The following GIGYF2 variants were observed in gnomAD, a reference collection of about 807,000 sequenced individuals.
The protein encoded by GIGYF2 is GRB10-interacting GYF protein 2.
Under a neutral mutation model 208.1 loss-of-function variants are expected in GIGYF2, and 25 were observed. The ratio of observed to expected loss-of-function variants is 0.12; its 90% CI spans 0.09 to 0.17. The LOEUF is 0.17. GIGYF2 is among the 10% of genes least tolerant of loss of function. The pLI is 1.00. For missense variants in GIGYF2, 1,302 were observed against 1,579.4 expected, an observed-to-expected ratio of 0.82 and a Z score of 2.98; for synonymous variants, 534 against 543.8, an observed-to-expected ratio of 0.98 and a Z score of 0.25.
chr2:232,787,379 T>G, intron 9 of GIGYF2, 50 bp downstream of exon 9: 1 of 1,495,950 alleles, frequency 6.7e-7, no homozygotes, highest in Non-Finnish European at 9.3e-7. Flanking sequence ...TAAGGGAAAG[T>G]TTGATGGAAA....
At chr2:232,804,478 T>G (rs559285676) in intron 14 of GIGYF2, among the ~76,000 whole-genome samples, 25 of 152,018 alleles carry the variant, frequency 1.6e-4, no homozygotes, top group Admixed American at 1.6e-3. Context: ...TCCTTGAGAT[T>G]TTACATAGAC....
At chr2:232,842,133 C>A (rs1025362415) in intron 23 of GIGYF2, among the ~76,000 whole-genome samples, 1 of 152,078 alleles carries the variant, frequency 6.6e-6, no homozygotes, top group Non-Finnish European at 1.5e-5. Flanking sequence ...GGCCACCACG[C>A]CCTACCCTTT....
intron 2 of GIGYF2, among the ~76,000 whole-genome samples, chr2:232,723,479 G>A (rs1353220583): frequency 7.0e-6 from 1 of 142,676 alleles, no homozygotes; most frequent in Non-Finnish European, 1.5e-5. Flanking sequence ...CACCCAGGCT[G>A]GAGTGCAGTG....
intron 28 of GIGYF2, among the ~76,000 whole-genome samples, chr2:232,856,264 T>C (rs1690567562): frequency 6.6e-6 from 1 of 152,122 alleles, no homozygotes; most frequent in African/African-American, 2.4e-5. Flanking sequence ...TGCTATTTTG[T>C]TTTATTTTCC....
chr2:232,697,599 G>A (rs987073543), intron 1 of GIGYF2, among the ~76,000 whole-genome samples: 3 of 152,242 alleles, frequency 2.0e-5, no homozygotes, highest in Non-Finnish European at 2.9e-5. Flanking sequence ...AGGGCCGGAG[G>A]GAGCCTCCTC....
Position 232,844,169 on chromosome 2 carries a change from A to G in GIGYF2, c.3013A>G (p.Ile1005Val). 1 of 1,565,156 alleles carries G rather than the reference A, an allele frequency of 6.4e-7. No individual in the cohort carries two copies. The highest frequency in any genetic ancestry group is 8.7e-7 in the Non-Finnish European group (1 of 1,153,186). Residue 1005 changes from isoleucine (I) to valine (V), a missense_variant, in exon 24 of 29, where the codon ATC (isoleucine) becomes GTC (valine). By Grantham distance (29) the Ile-to-Val change is conservative. This residue lies in a region of GIGYF2 where 701 missense variants were observed against 793.0 expected (regional missense o/e 0.88). Transcript: ENST00000373563. Reference protein sequence around the residue: ...PSGTTKSLLEIQQEEARQMQK... With the variant: ...PSGTTKSLLEVQQEEARQMQK... ...AGGTACCACGAAATCTCTTCTGGAG[A>G]TCCAGCAGGAAGAGGCCAGGCAAAT...
Position 232,806,689 on chromosome 2 carries a change from A to G in GIGYF2, c.1806+32A>G. 3 of 1,461,374 alleles carry G rather than the reference A, an allele frequency of 2.1e-6. No homozygotes were observed. Among genetic ancestry groups the G allele is most frequent in the Non-Finnish European group, 1.9e-6 (2 of 1,041,058 alleles). 90.5% of individuals were successfully genotyped at this position (1,461,374 alleles called of 1,614,324 possible). ...ACCTTTCACCTCACCTGGAATACAT[A>G]TTAGTCACGGAAACACTTGATTCTC... On this transcript the variant is annotated intron_variant, in intron 15 of 28. Transcript: ENST00000373563. The surrounding 1 kb of genome is among the most constrained non-coding windows in gnomAD (Gnocchi z 4.0).
intron 28 of GIGYF2, among the ~76,000 whole-genome samples, chr2:232,852,677 C>T (rs1690403872): frequency 6.6e-6 from 1 of 152,076 alleles, no homozygotes; most frequent in African/African-American, 2.4e-5. Context: ...CTCTGCTTGT[C>T]TCAAAAGTTG....
intron 14 of GIGYF2, among the ~76,000 whole-genome samples, chr2:232,799,380 T>TAA (rs929682835): frequency 2.1e-5 from 3 of 145,896 alleles, no homozygotes; most frequent in Non-Finnish European, 4.5e-5. Context: ...CTTGTCTCTA[T>TAA]AAAAAAAAAA....
intron 2 of GIGYF2, among the ~76,000 whole-genome samples, chr2:232,705,005 G>T (rs1233149816): frequency 6.6e-6 from 1 of 151,608 alleles, no homozygotes; most frequent in Non-Finnish European, 1.5e-5. Context: ...GATTACAGGT[G>T]CCCGCCACCA....
chr2:232,713,275 A>G (rs895732595), intron 2 of GIGYF2, among the ~76,000 whole-genome samples: 2 of 152,066 alleles, frequency 1.3e-5, no homozygotes, highest in African/African-American at 4.8e-5. Flanking sequence ...ACAGGGTTTC[A>G]CCATGTTGGC....
At chr2:232,823,791 C>T (rs1435269802) in intron 21 of GIGYF2, among the ~76,000 whole-genome samples, 1 of 152,240 alleles carries the variant, frequency 6.6e-6, no homozygotes, top group African/African-American at 2.4e-5. Flanking sequence ...TGAATAGAGG[C>T]ATACCTCATT....
intron 3 of GIGYF2, among the ~76,000 whole-genome samples, chr2:232,738,930 G>A (rs910326082): frequency 5.3e-5 from 8 of 152,114 alleles, no homozygotes; most frequent in South Asian, 4.1e-4. Flanking sequence ...ACTAAGCACC[G>A]TCTTGATAAT....
intron 14 of GIGYF2, among the ~76,000 whole-genome samples, chr2:232,803,931 C>T (rs1380031312): frequency 6.6e-5 from 1 of 15,144 alleles, no homozygotes; most frequent in Non-Finnish European, 1.2e-4. Context: ...TCATGATCCA[C>T]CCGCCTCCGC....
At chr2:232,827,154 C>T (rs968481171) in intron 21 of GIGYF2, among the ~76,000 whole-genome samples, 7 of 146,012 alleles carry the variant, frequency 4.8e-5, no homozygotes. Flanking sequence ...AGCCAGTGCT[C>T]ATTTACCATT....
At chr2:232,793,063 G>A (rs1386986708) in intron 12 of GIGYF2, among the ~76,000 whole-genome samples, 1 of 152,148 alleles carries the variant, frequency 6.6e-6, no homozygotes, top group Non-Finnish European at 1.5e-5. Flanking sequence ...GGAGGTAAGT[G>A]TAGATAGATG....
chr2:232,812,331 CTT>C (rs76864273), intron 17 of GIGYF2, 58 bp from the exon 18 acceptor site: 6,306 of 673,762 alleles, frequency 9.4e-3, no homozygotes, highest in East Asian at 0.013. Flanking sequence ...TCCTCTTCAT[CTT>C]TTTTTTTTTT....
chr2:232,699,752 G>A (rs1458286992), intron 1 of GIGYF2, among the ~76,000 whole-genome samples: 3 of 152,166 alleles, frequency 2.0e-5, no homozygotes, highest in Non-Finnish European at 4.4e-5. Flanking sequence ...AAGAAAGGTG[G>A]AAACAATGTA....
At chr2:232,839,815 C>G in intron 22 of GIGYF2, 34 bp from the exon 23 acceptor site, 1 of 1,612,696 alleles carries the variant, frequency 6.2e-7, no homozygotes, top group South Asian at 1.1e-5. Context: ...TCCACATTTC[C>G]TCATGAACTT....
Sources: allele counts gnomAD v4.1 joint callset (sites outside exome capture counted in the v4.1 genomes callset), GRCh38; gene constraint gnomAD v4.1.1; regional missense constraint gnomAD v4.1.1; non-coding constraint Gnocchi (gnomAD v3.1); transcripts MANE v1.5; gene names NCBI Gene and HGNC (gene_info 2026-07-23, HGNC 2026-07-21).